The following NIBAN1 variants were observed in gnomAD, a reference collection of about 807,000 sequenced individuals.
The protein encoded by NIBAN1 is protein Niban 1.
A neutral mutation model predicts 75.1 loss-of-function variants in NIBAN1; 81 were observed. The observed-to-expected ratio is 1.08, with a 90% CI of 0.90 to 1.30. The LOEUF is 1.30. Among genes scored for constraint, NIBAN1 ranks in the 50% most tolerant of loss-of-function variants. The probability of loss-of-function intolerance (pLI) is 0.00; values close to 1 mark genes in which losing one functional copy is unlikely to be tolerated. For synonymous variants in NIBAN1, 436 were observed against 424.8 expected (o/e 1.03, Z -0.32); for missense variants, 1,133 against 1,128.1 (o/e 1.00, Z -0.06).
rs747035745 is a variant in NIBAN1, at chr1:184,795,178, T to G, written c.2586A>C (p.Gln862His). The G allele has an allele frequency of 1.2e-6, 2 of 1,614,204 alleles. No individual in the cohort carries two copies. Among genetic ancestry groups the G allele is most frequent in the East Asian group, 4.5e-5 (2 of 44,886 alleles). The part of the protein sequence containing the change: ...CLSESQVSEE[Q>H]EEMGGQSSAA... The stretch of plus-strand genomic sequence containing the variant: ...CGCTGCTTTGCCCTCCCATCTCTTC[T>G]TGTTCCTCAGAAACCTGGCTCTCAC... The change falls in exon 14 of 14, where the codon CAA (glutamine) becomes CAC (histidine). Residue 862 changes from glutamine to histidine, a missense_variant. Physicochemically the swap from Gln to His is conservative, Grantham distance 24. Transcript: ENST00000367511.
rs532620502 is a variant in NIBAN1 at position 184,869,330 on chromosome 1, G to C, written c.601+15303C>G. ...CTCTTACGTAAAATTAGATCGTCCA[G>C]TATAAAAAGCGAAAGGGTCACACTG... On this transcript the variant is annotated intron_variant, in intron 5 of 13. Transcript: ENST00000367511. 3.6e-4 allele frequency among the ~76,000 whole-genome samples: 55 copies of C among 152,286 alleles called. 1 individual carries two copies. Among genetic ancestry groups the C allele is most frequent in the African/African-American group, 1.3e-3 (55 of 41,562 alleles).
At chr1:184,827,976 T>TTTTTTTTTA (rs1654891575) in intron 6 of NIBAN1, among the ~76,000 whole-genome samples, 1 of 150,884 alleles carries the variant, frequency 6.6e-6, no homozygotes. Context: ...TTTTTTTTTT[T>TTTTTTTTTA]CCGTCTTGAA....
intron 5 of NIBAN1, among the ~76,000 whole-genome samples, chr1:184,877,300 A>G (rs975933605): frequency 2.6e-5 from 4 of 152,164 alleles, no homozygotes; most frequent in African/African-American, 9.7e-5. Context: ...ATGATTAAGC[A>G]TATGTGATAA....
chr1:184,925,759 GT>G (rs1657666249), intron 1 of NIBAN1, among the ~76,000 whole-genome samples: 1 of 151,282 alleles, frequency 6.6e-6, no homozygotes. Context: ...TTAACTTTCT[GT>G]TGTTATATTT....
chr1:184,889,124 G>A (rs960499879), intron 4 of NIBAN1, among the ~76,000 whole-genome samples: 2 of 152,182 alleles, frequency 1.3e-5, no homozygotes, highest in Admixed American at 6.5e-5. Flanking sequence ...GCCAAATGGA[G>A]TTATTACATT....
intron 5 of NIBAN1, among the ~76,000 whole-genome samples, chr1:184,884,015 C>T (rs1656444082): frequency 6.6e-6 from 1 of 152,080 alleles, no homozygotes; most frequent in African/African-American, 2.4e-5. Flanking sequence ...GAAGTATATG[C>T]AAAATGGTCT....
At chr1:184,896,441 T>C (rs1557904703) in intron 2 of NIBAN1, among the ~76,000 whole-genome samples, 1 of 152,206 alleles carries the variant, frequency 6.6e-6, no homozygotes, top group South Asian at 2.1e-4. Context: ...ATTCTGGATA[T>C]TAGTCCTTTG....
In NIBAN1 at chr1:184,871,099, T is replaced by C. The variant is rs139246457; in HGVS notation, c.601+13534A>G. Among the ~76,000 whole-genome samples, 395 of 152,034 alleles carry C rather than the reference T, an allele frequency of 2.6e-3. 1 individual carries two copies. The highest frequency in any genetic ancestry group is 9.2e-3 in the African/African-American group (383 of 41,496). ...CAGTGGCTCATGCCTGTAATCCCAG[T>C]ATTTTGGGAGGCCAAGGTGGGCAAA... On this transcript the variant is annotated intron_variant, in intron 5 of 13. Coordinates refer to ENST00000367511, the MANE Select transcript of NIBAN1 (RefSeq NM_052966.4).
At chr1:184,886,506 A>G (rs554528976) in intron 4 of NIBAN1, among the ~76,000 whole-genome samples, 1 of 152,194 alleles carries the variant, frequency 6.6e-6, no homozygotes, top group Non-Finnish European at 1.5e-5. Flanking sequence ...AGCCCTAGAC[A>G]ATGGGACTTT....
chr1:184,805,257 G>A (rs1434661127), intron 11 of NIBAN1, among the ~76,000 whole-genome samples: 1 of 152,156 alleles, frequency 6.6e-6, no homozygotes, highest in Non-Finnish European at 1.5e-5. Flanking sequence ...AAAATTAGTG[G>A]ACTAGGTGTA....
intron 12 of NIBAN1, among the ~76,000 whole-genome samples, chr1:184,803,226 C>T (rs755738476): frequency 1.3e-5 from 2 of 152,186 alleles, no homozygotes; most frequent in Non-Finnish European, 2.9e-5. Context: ...ATGAGAAACA[C>T]CTGGTATCCT....
At chr1:184,797,744 A>G (rs535937717) in intron 13 of NIBAN1, among the ~76,000 whole-genome samples, 1 of 152,224 alleles carries the variant, frequency 6.6e-6, no homozygotes, top group Non-Finnish European at 1.5e-5. Context: ...AGAGGAAGAC[A>G]GCTCTTCATG....
intron 1 of NIBAN1, among the ~76,000 whole-genome samples, chr1:184,940,802 C>T (rs942957163): frequency 3.3e-5 from 5 of 152,080 alleles, no homozygotes; most frequent in African/African-American, 4.8e-5. Flanking sequence ...AATAGATAAC[C>T]GCTGCAAAAA....
In NIBAN1 at chr1:184,795,722, G is replaced by A. The variant is rs200330808; in HGVS notation, c.2042C>T (p.Ser681Leu). Reference protein sequence around the residue: ...EDTAGLPGTCSSELEFGGTLE... With the variant: ...EDTAGLPGTCLSELEFGGTLE... ...GGTCCCTCCAAACTCCAGCTCTGAT[G>A]AGCATGTGCCCGGGAGTCCTGCTGT... is the stretch of plus-strand genomic sequence containing the variant. The change falls in exon 14 of 14, where the codon TCA becomes TTA. Residue 681 changes from serine to leucine, a missense_variant. Physicochemically the swap from Ser to Leu is moderately radical, Grantham distance 145. Transcript: ENST00000367511. 1.7e-5 allele frequency: 27 copies of A among 1,613,466 alleles called. No homozygotes were observed. The highest frequency in any genetic ancestry group is 1.7e-4 in the Admixed American group (10 of 59,992).
chr1:184,973,068 A>G (rs1658978754), intron 1 of NIBAN1, among the ~76,000 whole-genome samples: 1 of 152,210 alleles, frequency 6.6e-6, no homozygotes, highest in South Asian at 2.1e-4. Flanking sequence ...GGCTTCATTT[A>G]TTTCTTTTAA....
chr1:184,816,047 A>T (rs1557875048), intron 9 of NIBAN1, among the ~76,000 whole-genome samples: 1 of 152,248 alleles, frequency 6.6e-6, no homozygotes, highest in Non-Finnish European at 1.5e-5. Flanking sequence ...GCCTATGGAG[A>T]AATACATCAT....
At position 184,974,478 on chromosome 1, in the gene NIBAN1, G is replaced by T. The variant is rs974718125; in HGVS notation, c.-122C>A. ...TAAGAGCAAACTTCCTTCGAGAGGC[G>T]AGAGACAGGAGGCAAGAGGCGTCGC... On this transcript the variant is annotated 5_prime_UTR_variant, in exon 1 of 14. Transcript: ENST00000367511. The T allele has an allele frequency of 2.3e-6, 3 of 1,312,294 alleles. No homozygotes were observed. The highest frequency in any genetic ancestry group is 1.5e-5 in the African/African-American group (1 of 65,514). The allele number at this position is 1,312,294 out of a possible 1,614,324, so 81.3% of individuals were successfully genotyped here.
chr1:184,852,406 G>T (rs1182158896), intron 5 of NIBAN1, among the ~76,000 whole-genome samples: 1 of 152,160 alleles, frequency 6.6e-6, no homozygotes, highest in Admixed American at 6.5e-5. Context: ...CACCCAGATG[G>T]ACTGGTGCCC....
At chr1:184,973,863 C>T (rs989757765) in intron 1 of NIBAN1, among the ~76,000 whole-genome samples, 3 of 152,258 alleles carry the variant, frequency 2.0e-5, no homozygotes, top group African/African-American at 7.2e-5. Context: ...GCCAGGCCAA[C>T]ATTACTAAGA....
Sources: gnomAD v4.1 joint callset for allele counts (sites outside exome capture counted in the v4.1 genomes callset) on GRCh38, gnomAD v4.1.1 for gene constraint, MANE v1.5 for transcripts, NCBI Gene and HGNC (gene_info 2026-07-23, HGNC 2026-07-21) for gene names.